The following C8B variants were observed in gnomAD, a reference collection of about 807,000 sequenced individuals.
C8B encodes complement component C8 beta chain.
In C8B, 67 loss-of-function variants were observed where a neutral mutation model predicts 64.6. The ratio of observed to expected loss-of-function variants is 1.04; its 90% CI spans 0.85 to 1.27. The LOEUF (loss-of-function observed/expected upper bound fraction) is 1.27, where lower values mean the gene tolerates loss of function less well. C8B is among the 50% of genes most tolerant of loss of function. The probability of loss-of-function intolerance (pLI) is 0.00; values close to 1 mark genes in which losing one functional copy is unlikely to be tolerated. For missense variants in C8B, 790 were observed against 725.2 expected (o/e 1.09, Z -1.03); for synonymous variants, 284 against 257.7 (o/e 1.10, Z -0.98).
chr1:56,956,703 C>G, intron 3 of C8B, 66 bp downstream of exon 3: 1 of 1,575,074 alleles, frequency 6.3e-7, no homozygotes, highest in Admixed American at 1.7e-5. Context: ...ATGGCCTGTC[C>G]CTTGGTCATC....
intron 2 of C8B, among the ~76,000 whole-genome samples, chr1:56,959,134 G>C (rs1645141737): frequency 6.6e-6 from 1 of 152,194 alleles, no homozygotes; most frequent in Non-Finnish European, 1.5e-5. Context: ...TATCTGCTCT[G>C]ATTTCCTGTT....
chr1:56,951,556 C>A (rs562180447), intron 5 of C8B, among the ~76,000 whole-genome samples: 1 of 152,152 alleles, frequency 6.6e-6, no homozygotes, highest in Non-Finnish European at 1.5e-5. Flanking sequence ...TTTTAATAGG[C>A]AGGGATTTGA....
intron 11 of C8B, among the ~76,000 whole-genome samples, chr1:56,930,559 C>A (rs1644685972): frequency 6.6e-6 from 1 of 152,070 alleles, no homozygotes; most frequent in African/African-American, 2.4e-5. Context: ...GGGTGGACAA[C>A]CTTGAGTGTT....
At position 56,947,705 on chromosome 1, in the gene C8B, G is replaced by A. The variant is rs1245989033; in HGVS notation, c.865-1644C>T. Among the ~76,000 whole-genome samples the A allele has an allele frequency of 2.6e-5, 4 of 152,140 alleles. No individual in the cohort carries two copies. The South Asian group carries it at 6.2e-4, about 24-fold the overall frequency. On this transcript the variant is annotated intron_variant, in intron 6 of 11. Coordinates refer to ENST00000371237, the MANE Select transcript of C8B (RefSeq NM_000066.4). ...CCAGCACTTTGGGAGGCCAAGGCAG[G>A]CAGATCATGAGGTCAGTAGATCAAG...
chr1:56,936,456 G>C (rs1268516080), intron 9 of C8B, among the ~76,000 whole-genome samples: 1 of 149,336 alleles, frequency 6.7e-6, no homozygotes, highest in Non-Finnish European at 1.5e-5. Flanking sequence ...TCTCCTTTGA[G>C]ATGTTTCTTT....
intron 1 of C8B, among the ~76,000 whole-genome samples, chr1:56,964,242 T>G (rs1224776177): frequency 6.6e-6 from 1 of 152,142 alleles, no homozygotes; most frequent in Admixed American, 6.5e-5. Flanking sequence ...TACCTCAGAG[T>G]GAACTTCCTA....
intron 7 of C8B, among the ~76,000 whole-genome samples, chr1:56,944,391 C>T (rs967927433): frequency 3.9e-5 from 6 of 152,130 alleles, no homozygotes; most frequent in South Asian, 4.1e-4. Context: ...AAATTCCAGA[C>T]GTGACTTATA....
rs1645112052 is a variant in C8B, at chr1:56,956,883, A to G, written c.277T>C (p.Ser93Pro). The G allele has an allele frequency of 6.2e-7, 1 of 1,614,076 alleles. No homozygotes were observed. The highest frequency in any genetic ancestry group is 8.5e-7 in the Non-Finnish European group (1 of 1,179,984). The change falls in exon 3 of 12, where the codon TCT becomes CCT. Residue 93 changes from serine (S) to proline (P), a missense_variant. Coordinates refer to ENST00000371237, the MANE Select transcript of C8B (RefSeq NM_000066.4). ...TTGCACGGTTCCCCATGGAACTGAGAGGGCTGGAGCAAGTAGGCATACCTG... is the reference window on the plus strand; with the variant it reads ...TTGCACGGTTCCCCATGGAACTGAGGGGGCTGGAGCAAGTAGGCATACCTG... ...RYRYAYLLQPSQFHGEPCNFS... is the reference protein window; with the variant it reads ...RYRYAYLLQPPQFHGEPCNFS...
intron 11 of C8B, among the ~76,000 whole-genome samples, 193 bp from the exon 12 acceptor site, chr1:56,929,751 G>C (rs765900386): frequency 3.3e-5 from 5 of 151,976 alleles, no homozygotes; most frequent in Non-Finnish European, 7.4e-5. Flanking sequence ...TTTCCCCCCT[G>C]TGCCCAGAAC....
At chr1:56,948,874 C>T (rs1644980497) in intron 6 of C8B, among the ~76,000 whole-genome samples, 1 of 152,090 alleles carries the variant, frequency 6.6e-6, no homozygotes, top group Non-Finnish European at 1.5e-5. Flanking sequence ...GCTAAAAAGT[C>T]TCCAGAGAAG....
At chr1:56,941,474 A>G (rs969566314) in intron 8 of C8B, among the ~76,000 whole-genome samples, 15 of 152,010 alleles carry the variant, frequency 9.9e-5, no homozygotes, top group Admixed American at 1.3e-4. Flanking sequence ...AGATAAATAG[A>G]TAGATAATAG....
chr1:56,948,321 A>G (rs1310218809), intron 6 of C8B, among the ~76,000 whole-genome samples: 1 of 152,248 alleles, frequency 6.6e-6, no homozygotes, highest in Non-Finnish European at 1.5e-5. Flanking sequence ...GAGTTAGTGT[A>G]AACAAATATT....
chr1:56,943,478 G>A (rs766437532), intron 8 of C8B, among the ~76,000 whole-genome samples: 2 of 152,182 alleles, frequency 1.3e-5, no homozygotes, highest in Non-Finnish European at 2.9e-5. Flanking sequence ...GGACTGGAAG[G>A]ATTATATTCC....
intron 8 of C8B, among the ~76,000 whole-genome samples, chr1:56,941,255 G>A (rs930306611): frequency 6.6e-6 from 1 of 152,142 alleles, no homozygotes; most frequent in African/African-American, 2.4e-5. Flanking sequence ...TTGAGCAGCT[G>A]TAAGTGCTAG....
Position 56,949,800 on chromosome 1 carries a change from A to C in C8B, c.667-48T>G, listed in dbSNP as rs760151496. 9.8e-6 allele frequency: 13 copies of C among 1,328,564 alleles called. No individual in the cohort carries two copies. The South Asian group carries it at 1.6e-4, about 16-fold the overall frequency. The allele number at this position is 1,328,564 out of a possible 1,614,324, so 82.3% of individuals were successfully genotyped here. On this transcript the variant is annotated intron_variant, in intron 5 of 11. Coordinates refer to ENST00000371237, the MANE Select transcript of C8B (RefSeq NM_000066.4). ...TTTTTTATTTCATTTGACTCAAATC[A>C]GTTCAATACCAGTGAGCAGACAGCC...
chr1:56,949,947 C>T (rs1301880701), intron 5 of C8B, among the ~76,000 whole-genome samples, 195 bp from the exon 6 acceptor site: 1 of 152,040 alleles, frequency 6.6e-6, no homozygotes, highest in Non-Finnish European at 1.5e-5. Context: ...CTGATCAATA[C>T]CTTGGGTGAA....
In C8B at chr1:56,964,495, C is replaced by T. The variant is rs140007440; in HGVS notation, c.92+1362G>A. ...GAGCAAGCCAGCTCTCTCACACTCA[C>T]GCACCGTTGCCTGTGCTGCTCCCTC... On this transcript the variant is annotated intron_variant, in intron 1 of 11. Coordinates refer to ENST00000371237, the MANE Select transcript of C8B (RefSeq NM_000066.4). 1.2e-3 allele frequency among the ~76,000 whole-genome samples: 189 copies of T among 152,308 alleles called. 1 individual carries two copies. Among genetic ancestry groups the T allele is most frequent in the African/African-American group, 4.1e-3 (171 of 41,556 alleles).
intron 5 of C8B, among the ~76,000 whole-genome samples, chr1:56,950,018 G>A (rs1386135048): frequency 6.6e-6 from 1 of 152,136 alleles, no homozygotes; most frequent in Non-Finnish European, 1.5e-5. Context: ...GAACATTCTG[G>A]GCTGTGGGCT....
intron 10 of C8B, among the ~76,000 whole-genome samples, chr1:56,932,996 G>T (rs953058500): frequency 6.6e-6 from 1 of 152,060 alleles, no homozygotes; most frequent in Non-Finnish European, 1.5e-5. Context: ...GCCCATCCTT[G>T]CTGCTACCCC....
Sources: gnomAD v4.1 joint callset for allele counts (sites outside exome capture counted in the v4.1 genomes callset) on GRCh38, gnomAD v4.1.1 for gene constraint, MANE v1.5 for transcripts, NCBI Gene and HGNC (gene_info 2026-07-23, HGNC 2026-07-21) for gene names.